GRIK2: variants seen among roughly 807,000 people sequenced by gnomAD.
GRIK2 encodes glutamate receptor ionotropic, kainate 2.
Under a neutral mutation model 100.3 loss-of-function variants are expected in GRIK2, and 32 were observed. The ratio of observed to expected loss-of-function variants is 0.32; its 90% confidence interval spans 0.24 to 0.43. The LOEUF (loss-of-function observed/expected upper bound fraction) is 0.43. GRIK2 is among the 20% of genes least tolerant of loss of function. The pLI is 1.00. For missense variants in GRIK2, 843 were observed against 1,114.9 expected (o/e 0.76, Z 3.47); for synonymous variants, 417 against 389.4 (o/e 1.07, Z -0.83).
intron 11 of GRIK2, among the ~76,000 whole-genome samples, chr6:101,885,917 T>C (rs1423893241): frequency 6.6e-6 from 1 of 152,134 alleles, no homozygotes; most frequent in Non-Finnish European, 1.5e-5. Flanking sequence ...GATACATTTA[T>C]GATTAAAGTC....
intron 14 of GRIK2, among the ~76,000 whole-genome samples, chr6:101,994,628 T>G (rs1794554857): frequency 6.6e-6 from 1 of 151,940 alleles, no homozygotes; most frequent in South Asian, 2.1e-4. Context: ...GATAAAGGGG[T>G]TTGTGCAGGA....
intron 2 of GRIK2, among the ~76,000 whole-genome samples, chr6:101,433,404 C>A (rs1448382045): frequency 2.6e-5 from 4 of 152,102 alleles, no homozygotes; most frequent in African/African-American, 9.7e-5. Context: ...ACCTTAATTT[C>A]TTCATCTATA....
At chr6:102,065,922 T>G in intron 16 of GRIK2, 4 of 1,400,818 alleles carry the variant, frequency 2.9e-6, no homozygotes, top group Non-Finnish European at 3.7e-6. Context: ...AATAAGTACA[T>G]CTAATAGTAG....
chr6:101,759,163 G>A (rs1777325275), intron 7 of GRIK2, among the ~76,000 whole-genome samples: 1 of 151,996 alleles, frequency 6.6e-6, no homozygotes, highest in Non-Finnish European at 1.5e-5. Context: ...TGATTCCATT[G>A]GAGCTTTACC....
At chr6:102,001,944 C>T (rs894283778) in intron 14 of GRIK2, among the ~76,000 whole-genome samples, 3 of 151,554 alleles carry the variant, frequency 2.0e-5, no homozygotes, top group Non-Finnish European at 2.9e-5. Flanking sequence ...AGTTTTTCGA[C>T]TCTTTACTTA....
intron 5 of GRIK2, among the ~76,000 whole-genome samples, chr6:101,681,282 T>C (rs1337664787): frequency 6.6e-6 from 1 of 152,130 alleles, no homozygotes; most frequent in Admixed American, 6.5e-5. Context: ...TGTTTTGTAA[T>C]GGGGTGTTGC....
intron 7 of GRIK2, among the ~76,000 whole-genome samples, chr6:101,794,596 C>A (rs897955984): frequency 7.9e-5 from 12 of 151,488 alleles, no homozygotes; most frequent in African/African-American, 2.9e-4. Flanking sequence ...TATATGATGT[C>A]TATCTCTTTA....
At chr6:101,431,276 C>A (rs942347013) in intron 2 of GRIK2, 2 of 157,986 alleles carry the variant, frequency 1.3e-5, no homozygotes, top group Non-Finnish European at 1.4e-5. Context: ...GGATGCCATG[C>A]TTGCTCTGGG....
At chr6:101,827,676 A>G (rs1007448554) in intron 10 of GRIK2, among the ~76,000 whole-genome samples, 44 of 151,966 alleles carry the variant, frequency 2.9e-4, no homozygotes, top group African/African-American at 1.1e-3. Context: ...ACAATAGTAC[A>G]AAAGTACAAA....
At chr6:101,746,084 A>G (rs907420141) in intron 7 of GRIK2, among the ~76,000 whole-genome samples, 1 of 152,204 alleles carries the variant, frequency 6.6e-6, no homozygotes, top group Non-Finnish European at 1.5e-5. Context: ...CTGAGGCATT[A>G]AATTGCCAGC....
chr6:101,588,668 G>A (rs200992522), intron 2 of GRIK2, among the ~76,000 whole-genome samples: 11 of 143,120 alleles, frequency 7.7e-5, no homozygotes, highest in Admixed American at 2.1e-4. Context: ...ACACGCACAC[G>A]CACACACACA....
At chr6:101,673,108 A>G (rs1023066698) in intron 4 of GRIK2, among the ~76,000 whole-genome samples, 3 of 152,168 alleles carry the variant, frequency 2.0e-5, no homozygotes, top group South Asian at 2.1e-4. Flanking sequence ...TTTGCACACT[A>G]TATCTCTGAC....
chr6:101,771,053 A>G (rs917534119), intron 7 of GRIK2, among the ~76,000 whole-genome samples: 1 of 152,138 alleles, frequency 6.6e-6, no homozygotes, highest in African/African-American at 2.4e-5. Flanking sequence ...TTTTATACAC[A>G]TCTCATTTTC....
intron 2 of GRIK2, among the ~76,000 whole-genome samples, chr6:101,541,821 T>C (rs1776012963): frequency 1.3e-5 from 2 of 152,038 alleles, no homozygotes; most frequent in Admixed American, 1.3e-4. Context: ...AAACTTCATC[T>C]TTTTCTTATT....
chr6:101,522,548 C>T (rs1774929892), intron 2 of GRIK2, among the ~76,000 whole-genome samples: 1 of 152,064 alleles, frequency 6.6e-6, no homozygotes, highest in Non-Finnish European at 1.5e-5. Context: ...CAGAGAAAGA[C>T]AGCATGAAAA....
At chr6:101,472,622 G>A (rs533291951) in intron 2 of GRIK2, among the ~76,000 whole-genome samples, 5 of 151,854 alleles carry the variant, frequency 3.3e-5, no homozygotes, top group African/African-American at 1.2e-4. Context: ...AGTTTGTGAA[G>A]ACCAAAGTTT....
intron 12 of GRIK2, among the ~76,000 whole-genome samples, chr6:101,903,384 G>A (rs1788008463): frequency 6.6e-6 from 1 of 151,744 alleles, no homozygotes; most frequent in Admixed American, 6.6e-5. Context: ...TATTTCAAGT[G>A]CTCATTTCTG....
chr6:101,757,764 G>A (rs569795621), intron 7 of GRIK2, among the ~76,000 whole-genome samples: 10 of 152,196 alleles, frequency 6.6e-5, no homozygotes, highest in Non-Finnish European at 1.5e-4. Context: ...AGTTTGAAAA[G>A]TCTACCCTAG....
chr6:102,038,981 ATAT>A (rs982347596), intron 15 of GRIK2, among the ~76,000 whole-genome samples: 29 of 151,474 alleles, frequency 1.9e-4, no homozygotes, highest in African/African-American at 6.3e-4. Flanking sequence ...AAAACGGGAA[ATAT>A]TATGAGTCTT....
Sources: allele counts gnomAD v4.1 joint callset (sites outside exome capture counted in the v4.1 genomes callset), GRCh38; gene constraint gnomAD v4.1.1; transcripts MANE v1.5; gene names NCBI Gene and HGNC (gene_info 2026-07-23, HGNC 2026-07-21).